EPC2: variants seen among roughly 807,000 people sequenced by gnomAD.
The protein encoded by EPC2 is enhancer of polycomb homolog 2.
EPC2 carries 14 observed loss-of-function variants against 92.1 expected under a neutral mutation model. The ratio of observed to expected loss-of-function variants is 0.15; its 90% CI spans 0.10 to 0.24. The LOEUF is 0.24. Among genes scored for constraint, EPC2 ranks in the 10% least tolerant of loss-of-function variants. EPC2 has a pLI of 1.00. For synonymous variants in EPC2, 340 were observed against 334.7 expected (o/e 1.02, Z -0.17); for missense variants, 755 against 971.5 (o/e 0.78, Z 2.96).
chr2:148,765,172 A>AT (rs762941831), intron 7 of EPC2, 26 bp downstream of exon 7: 1 of 1,465,878 alleles, frequency 6.8e-7, no homozygotes, highest in East Asian at 2.4e-5. Context: ...TATTTTAAAG[A>AT]TATTTCTTCT....
chr2:148,671,692 A>G (rs1681158248), intron 1 of EPC2, among the ~76,000 whole-genome samples: 1 of 152,002 alleles, frequency 6.6e-6, no homozygotes, highest in Admixed American at 6.6e-5. Context: ...ATCTGCTTGC[A>G]TTTCTTATTG....
At chr2:148,699,748 G>T (rs571738605) in intron 2 of EPC2, among the ~76,000 whole-genome samples, 2 of 152,234 alleles carry the variant, frequency 1.3e-5, no homozygotes, top group East Asian at 3.9e-4. Flanking sequence ...GCTCAATTGG[G>T]TATATACTTA....
chr2:148,646,074 A>T (rs1683795256), intron 1 of EPC2, among the ~76,000 whole-genome samples: 1 of 152,092 alleles, frequency 6.6e-6, no homozygotes, highest in Non-Finnish European at 1.5e-5. Flanking sequence ...CTTGACAGAG[A>T]GTGTTTATGA....
chr2:148,716,860 G>T (rs922888288), intron 2 of EPC2, among the ~76,000 whole-genome samples: 7 of 152,058 alleles, frequency 4.6e-5, no homozygotes, highest in African/African-American at 1.7e-4. Flanking sequence ...CTGTGAATCC[G>T]TCTGGTCCTG....
At chr2:148,744,105 T>G (rs1682936143) in intron 3 of EPC2, among the ~76,000 whole-genome samples, 1 of 152,148 alleles carries the variant, frequency 6.6e-6, no homozygotes. Context: ...ATGTCAAATC[T>G]TGCTCAGATA....
chr2:148,644,942 G>A lies in EPC2; in HGVS notation c.-76G>A. 7.8e-7 allele frequency: 1 copy of A among 1,278,758 alleles called. No homozygotes were observed. Among genetic ancestry groups the A allele is most frequent in the Non-Finnish European group, 1.1e-6 (1 of 910,112 alleles). 79.2% of individuals were successfully genotyped at this position (1,278,758 alleles called of 1,614,324 possible). The stretch of plus-strand genomic sequence containing the variant: ...CTGCACTGAGGAAGGAGGTGGAGGA[G>A]GCGGCGGGAGTCCTCCCCCCCTCCC... On this transcript the variant is annotated 5_prime_UTR_variant, in exon 1 of 14. Transcript: ENST00000258484.
At chr2:148,735,242 G>A (rs775373532) in intron 2 of EPC2, among the ~76,000 whole-genome samples, 6 of 151,986 alleles carry the variant, frequency 3.9e-5, no homozygotes, top group Non-Finnish European at 8.8e-5. Context: ...TCTTCAAACT[G>A]ATATCAGTTT....
rs1355896118 is a variant in EPC2, at chr2:148,644,783, G to C, written c.-235G>C. 2.6e-5 allele frequency among the ~76,000 whole-genome samples: 4 copies of C among 151,788 alleles called. No individual in the cohort carries two copies. The highest frequency in any genetic ancestry group is 3.9e-4 in the East Asian group (2 of 5,122). ...TCCGCCATGTTGGCCATGGCGCAGG[G>C]AGCGGATCGGGCGGGCGAGCGGCGG... On this transcript the variant is annotated 5_prime_UTR_variant, in exon 1 of 14. Transcript: ENST00000258484.
chr2:148,665,652 A>T (rs1182047718), intron 1 of EPC2, among the ~76,000 whole-genome samples: 1 of 152,194 alleles, frequency 6.6e-6, no homozygotes, highest in Admixed American at 6.5e-5. Context: ...GTTTAGGATA[A>T]CAGTTTTCTG....
chr2:148,656,007 G>T (rs7606232), intron 1 of EPC2, among the ~76,000 whole-genome samples: 15,302 of 54,282 alleles, frequency 0.28, 1,733 homozygotes, highest in African/African-American at 0.35. Flanking sequence ...TTAGCTGTGT[G>T]TGTGTGTGTG....
intron 5 of EPC2, chr2:148,762,181 T>C (rs961083904): frequency 4.2e-6 from 1 of 236,912 alleles, no homozygotes; most frequent in Non-Finnish European, 8.0e-6. Flanking sequence ...GGCAGAATCA[T>C]TGAATTTTAT....
chr2:148,646,601 C>CT (rs5835206), intron 1 of EPC2, among the ~76,000 whole-genome samples: 142,897 of 148,706 alleles, frequency 0.96, 68,881 homozygotes, highest in Middle Eastern at 1. Flanking sequence ...TATGTGAGAA[C>CT]TTTTTTTTTT....
chr2:148,770,856 G>A lies in EPC2; in HGVS notation c.1295G>A (p.Arg432Lys), dbSNP rs770393641. Residue 432 changes from arginine (R) to lysine (K), a missense_variant, in exon 9 of 14, where the codon AGG becomes AAG. By Grantham distance (26) the Arg-to-Lys change is conservative. Around this residue, in one of 4 missense-constraint regions of EPC2, gnomAD observed 509 missense variants for 607.7 expected, o/e 0.84. Transcript: ENST00000258484. ...GAATTGGCAGATTTGGATAAGTTGAGGTATAGGCATTGCCTTACAACACTT... is the reference window on the plus strand; with the variant it reads ...GAATTGGCAGATTTGGATAAGTTGAAGTATAGGCATTGCCTTACAACACTT... ...NSELADLDKL[R>K]YRHCLTTLTV... is the part of the protein sequence containing the mutation. The A allele has an allele frequency of 6.2e-7, 1 of 1,613,810 alleles. No homozygotes were observed. The highest frequency in any genetic ancestry group is 8.5e-7 in the Non-Finnish European group (1 of 1,179,836).
intron 2 of EPC2, among the ~76,000 whole-genome samples, chr2:148,721,590 G>C (rs1473277266): frequency 6.6e-6 from 1 of 151,702 alleles, no homozygotes; most frequent in Non-Finnish European, 1.5e-5. Context: ...TCAATCTGTG[G>C]TTTGATGCCT....
intron 10 of EPC2, among the ~76,000 whole-genome samples, chr2:148,775,803 A>C (rs1393392488): frequency 1.0e-5 from 1 of 96,070 alleles, no homozygotes; most frequent in African/African-American, 3.9e-5. Context: ...TTTGAGATGG[A>C]GTCTCACTCT....
At chr2:148,778,046 G>A (rs1683680946) in intron 10 of EPC2, among the ~76,000 whole-genome samples, 1 of 152,100 alleles carries the variant, frequency 6.6e-6, no homozygotes, top group Non-Finnish European at 1.5e-5. Context: ...AGGAAGTTTT[G>A]CAAAACATTT....
At chr2:148,650,986 A>G (rs759531972) in intron 1 of EPC2, among the ~76,000 whole-genome samples, 1 of 152,216 alleles carries the variant, frequency 6.6e-6, no homozygotes, top group Non-Finnish European at 1.5e-5. Flanking sequence ...TTAAGTCCAA[A>G]AACATGTATC....
chr2:148,674,199 A>T (rs797020362), intron 1 of EPC2, among the ~76,000 whole-genome samples: 1 of 152,106 alleles, frequency 6.6e-6, no homozygotes, highest in African/African-American at 2.4e-5. Flanking sequence ...TAATTTCCCA[A>T]TTAGAGAGGT....
chr2:148,752,567 T>G (rs961562328), intron 3 of EPC2, among the ~76,000 whole-genome samples: 3 of 152,148 alleles, frequency 2.0e-5, no homozygotes, highest in African/African-American at 7.2e-5. Context: ...CTACCTCTAC[T>G]AAGAGATTGG....
Sources: gnomAD v4.1 joint callset for allele counts (sites outside exome capture counted in the v4.1 genomes callset) on GRCh38, gnomAD v4.1.1 for gene constraint, gnomAD v4.1.1 regional missense constraint, MANE v1.5 for transcripts, NCBI Gene and HGNC (gene_info 2026-07-23, HGNC 2026-07-21) for gene names.